The following KCNQ3 variants were observed in gnomAD, a reference collection of about 807,000 sequenced individuals.
KCNQ3 encodes potassium voltage-gated channel subfamily KQT member 3.
A neutral mutation model predicts 92.5 loss-of-function variants in KCNQ3; 30 were observed. That is an observed-to-expected ratio of 0.32 (90% CI 0.24 to 0.44). The LOEUF (loss-of-function observed/expected upper bound fraction) is 0.44. Ranked by LOEUF, KCNQ3 falls within the 20% of genes least tolerant of loss-of-function variation. KCNQ3 has a pLI of 1.00. For synonymous variants in KCNQ3, 450 were observed against 468.8 expected (o/e 0.96, Z 0.52); for missense variants, 913 against 1,140.3 (o/e 0.80, Z 2.87).
At chr8:132,249,755 G>C (rs1028375377) in intron 1 of KCNQ3, among the ~76,000 whole-genome samples, 1 of 152,168 alleles carries the variant, frequency 6.6e-6, no homozygotes, top group African/African-American at 2.4e-5. Flanking sequence ...CCCACGGCTA[G>C]GGGGAGGCTC....
At chr8:132,462,963 TAC>T (rs1563920477) in intron 1 of KCNQ3, among the ~76,000 whole-genome samples, 1 of 152,166 alleles carries the variant, frequency 6.6e-6, no homozygotes, top group Non-Finnish European at 1.5e-5. Flanking sequence ...CGTATACATA[TAC>T]AGTATATGCC....
At chr8:132,456,377 C>T (rs1051668060) in intron 1 of KCNQ3, among the ~76,000 whole-genome samples, 6 of 151,898 alleles carry the variant, frequency 4.0e-5, no homozygotes, top group Non-Finnish European at 7.4e-5. Context: ...TTTTTTTTTC[C>T]AGATGAAAGC....
chr8:132,129,912 A>G lies in KCNQ3; in HGVS notation c.1969T>C (p.Tyr657His), dbSNP rs757674032. 1.2e-5 allele frequency: 19 copies of G among 1,613,646 alleles called. No homozygotes were observed. In the South Asian group the frequency reaches 1.9e-4, roughly 16 times the overall value. ...MERLQVQVTE[Y>H]YPTKGTSSPA... ...GAGGAGGTGCCCTTGGTTGGGTAATACTCCGTGACCTGCACCTGCAACCGT... is the reference window on the plus strand; with the variant it reads ...GAGGAGGTGCCCTTGGTTGGGTAATGCTCCGTGACCTGCACCTGCAACCGT... The change falls in exon 15 of 15, where the codon TAT becomes CAT. Residue 657 changes from tyrosine (Y) to histidine (H), a missense_variant. Physicochemically the swap from Tyr to His is moderately conservative, Grantham distance 83. Transcript: ENST00000388996. The surrounding 1 kb of genome is among the most constrained non-coding windows in gnomAD (Gnocchi z 5.9).
intron 8 of KCNQ3, among the ~76,000 whole-genome samples, chr8:132,164,383 C>T (rs1281005499): frequency 6.7e-6 from 1 of 149,614 alleles, no homozygotes; most frequent in African/African-American, 2.6e-5. Flanking sequence ...CTCTGGAGCC[C>T]AGCACGTGAG....
intron 1 of KCNQ3, among the ~76,000 whole-genome samples, chr8:132,471,784 C>A (rs1482272996): frequency 6.6e-6 from 1 of 152,034 alleles, no homozygotes; most frequent in African/African-American, 2.4e-5. Flanking sequence ...CTATTTTAAA[C>A]TAAAAAGCTT....
At chr8:132,353,386 A>T (rs1818931726) in intron 1 of KCNQ3, among the ~76,000 whole-genome samples, 1 of 152,168 alleles carries the variant, frequency 6.6e-6, no homozygotes, top group Non-Finnish European at 1.5e-5. Context: ...TTGATCGACA[A>T]CTAAGGACAA....
At chr8:132,455,434 A>T (rs546056620) in intron 1 of KCNQ3, among the ~76,000 whole-genome samples, 20 of 152,354 alleles carry the variant, frequency 1.3e-4, no homozygotes, top group African/African-American at 4.8e-4. Flanking sequence ...TATGTTATAC[A>T]TATATTTTAC....
chr8:132,154,193 G>GTTTTTTGTTTTTTTTTTTTTTTTT (rs1825726713), intron 9 of KCNQ3, among the ~76,000 whole-genome samples: 1 of 27,456 alleles, frequency 3.6e-5, no homozygotes, highest in African/African-American at 1.5e-4. Context: ...AAGGGTAAAA[G>GTTTTTTGTTTTTTTTTTTTTTTTT]TTTTTTTTTT....
intron 1 of KCNQ3, among the ~76,000 whole-genome samples, chr8:132,303,842 AATATT>A (rs1279293113): frequency 1.3e-5 from 2 of 150,186 alleles, no homozygotes; most frequent in East Asian, 4.0e-4. Context: ...ACACACAGAA[AATATT>A]ATATGTGTAT....
chr8:132,430,233 A>G (rs1009347253), intron 1 of KCNQ3, among the ~76,000 whole-genome samples: 23 of 152,224 alleles, frequency 1.5e-4, no homozygotes, highest in African/African-American at 4.1e-4. Context: ...TTAGTTTAAC[A>G]AAGACTAGCC....
At chr8:132,378,984 G>A (rs2130751035) in intron 1 of KCNQ3, among the ~76,000 whole-genome samples, 1 of 152,320 alleles carries the variant, frequency 6.6e-6, no homozygotes, top group South Asian at 2.1e-4. Flanking sequence ...AGAAGCCAAT[G>A]GGAACCATAA....
At chr8:132,181,909 G>A (rs1225463786) in intron 3 of KCNQ3, among the ~76,000 whole-genome samples, 1 of 152,088 alleles carries the variant, frequency 6.6e-6, no homozygotes, top group Non-Finnish European at 1.5e-5. Flanking sequence ...GCTGGGCACG[G>A]TGGTGGGTGC....
intron 9 of KCNQ3, among the ~76,000 whole-genome samples, chr8:132,145,665 A>T (rs1825428338): frequency 6.6e-6 from 1 of 152,248 alleles, no homozygotes; most frequent in South Asian, 2.1e-4. Context: ...CTTATGATAA[A>T]GTCAAGAAGA....
intron 1 of KCNQ3, among the ~76,000 whole-genome samples, chr8:132,281,673 G>A (rs13276075): frequency 1 from 152,096 of 152,128 alleles, 76,032 homozygotes; most frequent in Non-Finnish European, 1. Flanking sequence ...CTCCACATTC[G>A]CTCAACTCCT....
intron 1 of KCNQ3, among the ~76,000 whole-genome samples, chr8:132,211,738 G>A (rs940425785): frequency 6.6e-6 from 1 of 151,960 alleles, no homozygotes; most frequent in Non-Finnish European, 1.5e-5. Context: ...GGATCACGAG[G>A]TCAGGCATTT....
intron 1 of KCNQ3, among the ~76,000 whole-genome samples, chr8:132,423,130 A>AC (rs1056644187): frequency 1.3e-5 from 2 of 152,134 alleles, no homozygotes; most frequent in South Asian, 2.1e-4. Context: ...TGTAATTACC[A>AC]CCCCCCACCA....
At chr8:132,334,216 T>C (rs2130668847) in intron 1 of KCNQ3, among the ~76,000 whole-genome samples, 1 of 152,072 alleles carries the variant, frequency 6.6e-6, no homozygotes, top group African/African-American at 2.4e-5. Context: ...GTGTGGTGAC[T>C]CACACCTGTA....
chr8:132,226,795 C>G (rs893633835), intron 1 of KCNQ3, among the ~76,000 whole-genome samples: 4 of 152,064 alleles, frequency 2.6e-5, no homozygotes, highest in Non-Finnish European at 4.4e-5. Flanking sequence ...CATGGCCTGG[C>G]TGGGGAGGAT....
Position 132,269,124 on chromosome 8 carries a change from A to G in KCNQ3, c.387-82943T>C, listed in dbSNP as rs532964507. Among the ~76,000 whole-genome samples the G allele has an allele frequency of 3.3e-5, 5 of 152,272 alleles. No individual in the cohort carries two copies. In the East Asian group the frequency reaches 9.7e-4, roughly 29 times the overall value. On this transcript the variant is annotated intron_variant, in intron 1 of 14. Coordinates refer to ENST00000388996, the MANE Select transcript of KCNQ3 (RefSeq NM_004519.4). Reference sequence around the variant, plus strand: ...TTGTATATTTGGACAACAGCTTTTTATCTAATATGTCTTGTGCAAATCAGA... The same window carrying G: ...TTGTATATTTGGACAACAGCTTTTTGTCTAATATGTCTTGTGCAAATCAGA...
Sources: allele counts gnomAD v4.1 joint callset (sites outside exome capture counted in the v4.1 genomes callset), GRCh38; gene constraint gnomAD v4.1.1; non-coding constraint Gnocchi (gnomAD v3.1); transcripts MANE v1.5; gene names NCBI Gene and HGNC (gene_info 2026-07-23, HGNC 2026-07-21).